RNF13: variants seen among roughly 807,000 people sequenced by gnomAD.
The protein encoded by RNF13 is ring finger protein 13.
A neutral mutation model predicts 37.7 loss-of-function variants in RNF13; 19 were observed. That is an observed-to-expected ratio of 0.50 (90% CI 0.35 to 0.74). The LOEUF is 0.74. Ranked by LOEUF, RNF13 falls within the 30% of genes least tolerant of loss-of-function variation. The pLI is 0.01. For missense variants in RNF13, 375 were observed against 453.0 expected (o/e 0.83, Z 1.56); for synonymous variants, 144 against 157.8 (o/e 0.91, Z 0.65).
At chr3:149,860,490 G>A (rs1271172489) in intron 3 of RNF13, among the ~76,000 whole-genome samples, 2 of 151,614 alleles carry the variant, frequency 1.3e-5, no homozygotes, top group Admixed American at 1.3e-4. Flanking sequence ...AATGATTATT[G>A]ACAAAGGTGC....
intron 5 of RNF13, among the ~76,000 whole-genome samples, chr3:149,898,908 G>A (rs1428897946): frequency 1.3e-5 from 2 of 152,142 alleles, no homozygotes; most frequent in East Asian, 3.8e-4. Context: ...TGCAATTTGA[G>A]CACCGATCTA....
chr3:149,863,531 C>T (rs1724496483), intron 3 of RNF13, among the ~76,000 whole-genome samples: 1 of 152,104 alleles, frequency 6.6e-6, no homozygotes. Flanking sequence ...AGGCGTGTAC[C>T]ACCACGCCTG....
chr3:149,823,271 A>G (rs1720171244), intron 1 of RNF13, among the ~76,000 whole-genome samples: 1 of 152,136 alleles, frequency 6.6e-6, no homozygotes, highest in Non-Finnish European at 1.5e-5. Flanking sequence ...GGAACCTACT[A>G]TAGAGTTGTG....
At chr3:149,941,250 T>C (rs1720229559) in intron 8 of RNF13, among the ~76,000 whole-genome samples, 1 of 152,182 alleles carries the variant, frequency 6.6e-6, no homozygotes, top group Admixed American at 6.5e-5. Flanking sequence ...TCTAATTGTC[T>C]TTTTAATTTT....
chr3:149,910,723 G>T (rs1716917679), intron 6 of RNF13, among the ~76,000 whole-genome samples: 1 of 152,174 alleles, frequency 6.6e-6, no homozygotes, highest in Non-Finnish European at 1.5e-5. Flanking sequence ...GGATAACAGA[G>T]TAGCTTTGCT....
At chr3:149,896,543 G>A (rs143596534) in intron 5 of RNF13, among the ~76,000 whole-genome samples, 1,814 of 150,986 alleles carry the variant, frequency 0.012, 30 homozygotes, top group African/African-American at 0.041. Context: ...GCAATGGTGC[G>A]ATGTTGGCTC....
intron 3 of RNF13, among the ~76,000 whole-genome samples, chr3:149,854,146 A>G (rs886356462): frequency 3.3e-5 from 5 of 152,150 alleles, no homozygotes; most frequent in East Asian, 1.9e-4. Context: ...AGAATTTCTT[A>G]GTAAGATACC....
chr3:149,833,168 G>A (rs998944388), intron 1 of RNF13, among the ~76,000 whole-genome samples: 1 of 128,176 alleles, frequency 7.8e-6, no homozygotes, highest in Admixed American at 9.5e-5. Context: ...TGCCTAGGCT[G>A]GAGTGCAATG....
At chr3:149,916,123 C>T (rs957539352) in intron 7 of RNF13, among the ~76,000 whole-genome samples, 1 of 151,188 alleles carries the variant, frequency 6.6e-6, no homozygotes, top group Non-Finnish European at 1.5e-5. Context: ...TTATCTGTTA[C>T]TTGACATTTT....
In RNF13 at chr3:149,919,539, A is replaced by G. The variant is rs557145871; in HGVS notation, c.607-1595A>G. ...GTGTCTGTCTTCTTTCTGTCACCGT[A>G]ATTATTTTGAGATTTGTATATGTTA... On this transcript the variant is annotated intron_variant, in intron 7 of 9. Transcript: ENST00000392894. 2.0e-5 allele frequency among the ~76,000 whole-genome samples: 3 copies of G among 152,246 alleles called. No individual in the cohort carries two copies. The East Asian group carries it at 5.8e-4, about 29-fold the overall frequency.
chr3:149,858,756 T>C (rs1001016726), intron 3 of RNF13, among the ~76,000 whole-genome samples: 10 of 152,230 alleles, frequency 6.6e-5, no homozygotes, highest in African/African-American at 2.4e-4. Flanking sequence ...CAGTTTTTCT[T>C]ATATGATGTA....
intron 1 of RNF13, among the ~76,000 whole-genome samples, chr3:149,824,015 G>T (rs1320341145): frequency 6.6e-6 from 1 of 152,136 alleles, no homozygotes; most frequent in Non-Finnish European, 1.5e-5. Context: ...GGAAAATCTT[G>T]TGCCAGAAAA....
At chr3:149,910,844 C>T (rs1016646855) in intron 6 of RNF13, among the ~76,000 whole-genome samples, 4 of 152,098 alleles carry the variant, frequency 2.6e-5, no homozygotes, top group African/African-American at 9.7e-5. Context: ...ATTTTTAATG[C>T]AGAGCTTTGA....
At position 149,835,485 on chromosome 3, in the gene RNF13, G is replaced by A. The variant is rs142187611; in HGVS notation, c.-16-10526G>A. ...ATCATTCTTATACCGTTGCATTCTCGTAGCTTAGCTCCCACTAACGAGTGA... is the reference window on the plus strand; with the variant it reads ...ATCATTCTTATACCGTTGCATTCTCATAGCTTAGCTCCCACTAACGAGTGA... On this transcript the variant is annotated intron_variant, in intron 1 of 9. Transcript: ENST00000392894. 3.0e-4 allele frequency among the ~76,000 whole-genome samples: 46 copies of A among 151,808 alleles called. No individual in the cohort carries two copies. The East Asian group carries it at 7.0e-3, about 23-fold the overall frequency.
At chr3:149,911,828 A>G (rs78208121) in intron 6 of RNF13, 150 bp from the exon 7 acceptor site, 3 of 593,698 alleles carry the variant, frequency 5.1e-6, no homozygotes, top group East Asian at 5.7e-5. Context: ...TAAATTATTG[A>G]AAGTCATATT....
chr3:149,906,377 G>A (rs1716400579), intron 6 of RNF13, among the ~76,000 whole-genome samples: 1 of 151,708 alleles, frequency 6.6e-6, no homozygotes, highest in Admixed American at 6.6e-5. Flanking sequence ...TGCATTATGT[G>A]GTAACTCTAT....
chr3:149,815,923 G>T (rs1332181147), intron 1 of RNF13, among the ~76,000 whole-genome samples: 2 of 151,612 alleles, frequency 1.3e-5, no homozygotes, highest in Non-Finnish European at 2.9e-5. Flanking sequence ...TTTTTTTTGG[G>T]ACAGGGTCTT....
chr3:149,836,488 T>C (rs958444370), intron 1 of RNF13, among the ~76,000 whole-genome samples: 1 of 152,092 alleles, frequency 6.6e-6, no homozygotes, highest in Non-Finnish European at 1.5e-5. Flanking sequence ...AAGTGGTATC[T>C]CATTCTGGTC....
chr3:149,898,056 C>T (rs1715451227), intron 5 of RNF13, among the ~76,000 whole-genome samples: 1 of 152,116 alleles, frequency 6.6e-6, no homozygotes, highest in Non-Finnish European at 1.5e-5. Flanking sequence ...ATACCTGCGC[C>T]CTCAGGAAAG....
Sources: allele counts gnomAD v4.1 joint callset (sites outside exome capture counted in the v4.1 genomes callset), GRCh38; gene constraint gnomAD v4.1.1; transcripts MANE v1.5; gene names NCBI Gene and HGNC (gene_info 2026-07-23, HGNC 2026-07-21).